KDM2B: variants seen among roughly 807,000 people sequenced by gnomAD.
KDM2B encodes lysine demethylase 2B.
Under a neutral mutation model 150.0 loss-of-function variants are expected in KDM2B, and 26 were observed. The observed-to-expected ratio is 0.17, with a 90% CI of 0.13 to 0.24. KDM2B has a LOEUF of 0.24. KDM2B is among the 10% of genes least tolerant of loss of function. The pLI is 1.00. For missense variants in KDM2B, 1,265 were observed against 1,816.9 expected, an observed-to-expected ratio of 0.70 and a Z score of 5.52; for synonymous variants, 734 against 729.5, an observed-to-expected ratio of 1.01 and a Z score of -0.10.
chr12:121,574,832 G>C (rs558758491), intron 3 of KDM2B, among the ~76,000 whole-genome samples: 32 of 152,328 alleles, frequency 2.1e-4, no homozygotes, highest in Admixed American at 9.1e-4. Flanking sequence ...AACCTCAGCA[G>C]AGGGTAGGAC....
chr12:121,502,163 T>G (rs1555302116), intron 11 of KDM2B, among the ~76,000 whole-genome samples: 1 of 152,224 alleles, frequency 6.6e-6, no homozygotes. Context: ...AATTTTTGGC[T>G]CTAGTTTGCT....
At chr12:121,486,845 C>T (rs1555299008) in intron 12 of KDM2B, among the ~76,000 whole-genome samples, 1 of 152,002 alleles carries the variant, frequency 6.6e-6, no homozygotes, top group African/African-American at 2.4e-5. Flanking sequence ...TGGGGGTGCA[C>T]ACCTGCAGTC....
Position 121,533,017 on chromosome 12 carries a change from G to C in KDM2B, c.778-58C>G, listed in dbSNP as rs1211977850. The C allele has an allele frequency of 4.4e-6, 7 of 1,592,448 alleles. No homozygotes were observed. Among genetic ancestry groups the C allele is most frequent in the Non-Finnish European group, 6.0e-6 (7 of 1,163,718 alleles). ...CCCAGGCCCAGACAAGACCCAGAGAGAGGGCCCCACCTGCCTGGCGGAAGG... is the reference window on the plus strand; with the variant it reads ...CCCAGGCCCAGACAAGACCCAGAGACAGGGCCCCACCTGCCTGGCGGAAGG... On this transcript the variant is annotated intron_variant, in intron 7 of 22. Transcript: ENST00000377071. The surrounding 1 kb of genome is among the most constrained non-coding windows in gnomAD (Gnocchi z 4.1).
At chr12:121,437,944 A>G (rs1874283576) in intron 22 of KDM2B, among the ~76,000 whole-genome samples, 1 of 151,576 alleles carries the variant, frequency 6.6e-6, no homozygotes, top group Admixed American at 6.6e-5. Flanking sequence ...ATGCCTTAGT[A>G]TACTTCACAG....
chr12:121,543,630 C>T (rs568475432), intron 6 of KDM2B, among the ~76,000 whole-genome samples: 1 of 151,648 alleles, frequency 6.6e-6, no homozygotes, highest in East Asian at 2.0e-4. Flanking sequence ...TCGAAACCAT[C>T]CTGGCCAACA....
the KDM2B span, chr12:121,416,374 G>A: frequency 6.2e-7 from 1 of 1,606,076 alleles, no homozygotes; most frequent in Non-Finnish European, 8.5e-7. Flanking sequence ...TCTTTAGAAA[G>A]AAGGTGAGTT....
intron 8 of KDM2B, among the ~76,000 whole-genome samples, chr12:121,524,157 G>A (rs1412160041): frequency 3.9e-5 from 6 of 152,112 alleles, no homozygotes; most frequent in Non-Finnish European, 7.4e-5. Context: ...CTCCCTCCCT[G>A]CAGAAAGCCC....
chr12:121,558,601 A>C (rs549655120), intron 4 of KDM2B, among the ~76,000 whole-genome samples: 38 of 151,922 alleles, frequency 2.5e-4, no homozygotes, highest in Middle Eastern at 3.4e-3. Flanking sequence ...CTACAGGCGC[A>C]TGCCACCATG....
At chr12:121,577,621 G>C (rs189449674) in intron 2 of KDM2B, among the ~76,000 whole-genome samples, 1 of 152,296 alleles carries the variant, frequency 6.6e-6, no homozygotes, top group East Asian at 1.9e-4. Flanking sequence ...CACTCAACCA[G>C]AACCTGGAGG....
At chr12:121,530,935 C>A (rs1205091940) in intron 8 of KDM2B, among the ~76,000 whole-genome samples, 1 of 152,066 alleles carries the variant, frequency 6.6e-6, no homozygotes, top group Non-Finnish European at 1.5e-5. Flanking sequence ...TTCAGCTCCA[C>A]CCCACCACCA....
In KDM2B at chr12:121,442,663, G is replaced by T. The variant is rs782399183; in HGVS notation, c.2778C>A (p.Gly926=). Residue 926 remains glycine (G), a synonymous_variant, in exon 19 of 23, where the codon GGC becomes GGA. Coordinates refer to ENST00000377071, the MANE Select transcript of KDM2B (RefSeq NM_032590.5). The surrounding 1 kb of genome is among the most constrained non-coding windows in gnomAD (Gnocchi z 7.7). ...TCTTCACCTTCTTCTTCTCCTCCGG[G>T]CCCTCGGCCCCTTCGGTGCTGGGTC... ...TAGPSTEGAE[G]PEEKKKVKMR... 7 of 1,605,392 alleles carry T rather than the reference G, an allele frequency of 4.4e-6. No homozygotes were observed. The Admixed American group carries it at 1.2e-4, about 27-fold the overall frequency.
the KDM2B span, chr12:121,416,079 C>A: frequency 8.5e-7 from 1 of 1,179,842 alleles, no homozygotes; most frequent in Non-Finnish European, 1.3e-6. Flanking sequence ...ACTTACCTCT[C>A]CAGAATAGCA....
Position 121,575,753 on chromosome 12 carries a change from G to A in KDM2B, c.350+28C>T. 1 of 1,491,166 alleles carries A rather than the reference G, an allele frequency of 6.7e-7. No individual in the cohort carries two copies. The highest frequency in any genetic ancestry group is 9.4e-7 in the Non-Finnish European group (1 of 1,067,856). 92.4% of individuals were successfully genotyped at this position (1,491,166 alleles called of 1,614,324 possible). ...AAGTATGTTAGGGAGGAAGACGGGG[G>A]AAGGAGTGATTAGTTTCAGCAACTT... On this transcript the variant is annotated intron_variant, in intron 3 of 22. Transcript: ENST00000377071. The surrounding 1 kb of genome is among the most constrained non-coding windows in gnomAD (Gnocchi z 4.4).
intron 4 of KDM2B, among the ~76,000 whole-genome samples, chr12:121,560,009 T>C (rs1890224519): frequency 6.6e-6 from 1 of 152,128 alleles, no homozygotes; most frequent in Non-Finnish European, 1.5e-5. Flanking sequence ...ACTGTGTTTT[T>C]ATATGTTTTT....
intron 8 of KDM2B, chr12:121,524,754 T>C: frequency 2.3e-6 from 1 of 438,064 alleles, no homozygotes; most frequent in Non-Finnish European, 4.6e-6. Context: ...CTGGGAACGC[T>C]GGCATCTGCC....
intron 4 of KDM2B, among the ~76,000 whole-genome samples, chr12:121,566,140 A>C (rs1182666421): frequency 6.6e-6 from 1 of 152,178 alleles, no homozygotes; most frequent in Admixed American, 6.6e-5. Flanking sequence ...AATTTTCTTA[A>C]GCCAGATACA....
At chr12:121,494,723 A>C in intron 11 of KDM2B, 58 bp from the exon 12 acceptor site, 1 of 1,328,892 alleles carries the variant, frequency 7.5e-7, no homozygotes, top group Non-Finnish European at 1.1e-6. Context: ...CTCTGAAGAC[A>C]GCTGAACAGC....
intron 4 of KDM2B, among the ~76,000 whole-genome samples, chr12:121,562,261 T>C (rs1890394884): frequency 6.7e-6 from 1 of 150,366 alleles, no homozygotes; most frequent in Non-Finnish European, 1.5e-5. Context: ...GGCGAACAGA[T>C]CACCTGAGGC....
At chr12:121,506,619 C>T (rs958292104) in intron 11 of KDM2B, among the ~76,000 whole-genome samples, 40 of 151,978 alleles carry the variant, frequency 2.6e-4, no homozygotes, top group South Asian at 2.1e-4. Context: ...CTGGCCAACA[C>T]GGTGAAACCC....
Sources: gnomAD v4.1 joint callset for allele counts (sites outside exome capture counted in the v4.1 genomes callset) on GRCh38, gnomAD v4.1.1 for gene constraint, Gnocchi (gnomAD v3.1) non-coding constraint, MANE v1.5 for transcripts, NCBI Gene and HGNC (gene_info 2026-07-23, HGNC 2026-07-21) for gene names.